Variants in ZNF484 observed in about 807,000 individuals in gnomAD.
The protein encoded by ZNF484 is zinc finger protein 484, also known as KRAB box containing C2H2 type zinc finger bA526D8.4.
A neutral mutation model predicts 12.9 loss-of-function variants in ZNF484; 11 were observed. That is an observed-to-expected ratio of 0.85 (90% CI 0.54 to 1.41). ZNF484 has a LOEUF of 1.41. Among genes scored for constraint, ZNF484 ranks in the 40% most tolerant of loss-of-function variants. The pLI is 0.00. For synonymous variants in ZNF484, 289 were observed against 334.1 expected, an observed-to-expected ratio of 0.86 and a Z score of 1.47; for missense variants, 807 against 1,007.7, an observed-to-expected ratio of 0.80 and a Z score of 2.70.
In ZNF484 at chr9:92,847,477, T is replaced by C. The variant is rs370875323; in HGVS notation, c.1310A>G (p.Glu437Gly). 9 of 1,612,568 alleles carry C rather than the reference T, an allele frequency of 5.6e-6. No individual in the cohort carries two copies. The highest frequency in any genetic ancestry group is 6.8e-6 in the Non-Finnish European group (8 of 1,179,580). ...ACAGTCACTGCATTCATAGGGTTTT[T>C]CTCCAGTATGAATTCTTTCATGTGT... ...FITHERIHTG[E>G]KPYECSDCGK... is the part of the protein sequence containing the mutation. Residue 437 changes from glutamate to glycine, a missense_variant, in exon 5 of 5, where the codon GAA (glutamate) becomes GGA (glycine). Glu to Gly is a moderately conservative substitution (Grantham distance 98). Transcript: ENST00000375495.
Position 92,848,357 on chromosome 9 carries a change from T to G in ZNF484, c.430A>C (p.Lys144Gln). Reference sequence around the variant, plus strand: ...ATGCTGTCATTAGCTAGTGTTTTCTTGTTAATGAAGACAACACGACTTAAA... The same window carrying G: ...ATGCTGTCATTAGCTAGTGTTTTCTGGTTAATGAAGACAACACGACTTAAA... ...KPLSRVVFIN[K>Q]KTLANDSIFE... is the part of the protein sequence containing the mutation. Residue 144 changes from lysine (K) to glutamine (Q), a missense_variant, in exon 5 of 5, where the codon AAG (lysine) becomes CAG (glutamine). Physicochemically the swap from Lys to Gln is moderately conservative, Grantham distance 53. Transcript: ENST00000375495. This position sits in a 1 kb window ranked among gnomAD's most constrained non-coding sequence, Gnocchi z 4.1. 1 of 1,614,142 alleles carries G rather than the reference T, an allele frequency of 6.2e-7. No individual in the cohort carries two copies. The highest frequency in any genetic ancestry group is 8.5e-7 in the Non-Finnish European group (1 of 1,180,012).
chr9:92,870,508 G>A (rs750322455), intron 2 of ZNF484, among the ~76,000 whole-genome samples: 2 of 152,156 alleles, frequency 1.3e-5, no homozygotes, highest in Non-Finnish European at 2.9e-5. Flanking sequence ...ACTGCAATAG[G>A]GTAGTATGAG....
intron 2 of ZNF484, among the ~76,000 whole-genome samples, chr9:92,861,213 A>T (rs187980679): frequency 2.0e-5 from 3 of 152,352 alleles, no homozygotes; most frequent in Admixed American, 2.0e-4. Flanking sequence ...AGAAAACAGA[A>T]TCTCATAACA....
rs1401302013 is a variant in ZNF484 at position 92,846,336 on chromosome 9, T to C, written c.2451A>G (p.Pro817=). 5 of 1,614,062 alleles carry C rather than the reference T, an allele frequency of 3.1e-6. No homozygotes were observed. Among genetic ancestry groups the C allele is most frequent in the African/African-American group, 2.7e-5 (2 of 74,940 alleles). Residue 817 remains proline, a synonymous_variant, in exon 5 of 5, where the codon CCA becomes CCG. Coordinates refer to ENST00000375495, the MANE Select transcript of ZNF484 (RefSeq NM_031486.4). ...CAGATTTCTGAGGCATACTGAGTTG[T>C]GGCTTCCAGTTTAAGGCTTTCCCCA... The part of the protein sequence containing the change: ...SDLGKALNWK[P]QLSMPQKSDN...
At chr9:92,858,050 A>C (rs1447282047) in intron 2 of ZNF484, among the ~76,000 whole-genome samples, 1 of 151,160 alleles carries the variant, frequency 6.6e-6, no homozygotes, top group Non-Finnish European at 1.5e-5. Flanking sequence ...TATTATACAC[A>C]GTGTTTAAAA....
intron 3 of ZNF484, 71 bp from the exon 4 acceptor site, chr9:92,855,974 A>G: frequency 1.3e-6 from 2 of 1,548,636 alleles, no homozygotes; most frequent in South Asian, 2.3e-5. Flanking sequence ...TTTTTCCCAA[A>G]AAAGTTCACT....
chr9:92,849,210 G>C (rs192651090), intron 4 of ZNF484, among the ~76,000 whole-genome samples: 4 of 151,446 alleles, frequency 2.6e-5, no homozygotes, highest in Admixed American at 1.3e-4. Flanking sequence ...GCGGTGAGCC[G>C]AGATCTTGCC....
In ZNF484 at chr9:92,847,345, G is replaced by A; in HGVS notation, c.1442C>T (p.Thr481Ile). 6.2e-7 allele frequency: 1 copy of A among 1,613,724 alleles called. No homozygotes were observed. The highest frequency in any genetic ancestry group is 1.1e-5 in the South Asian group (1 of 90,998). ...AATTTTCTGGTGTATAATGAGATTT[G>A]TCTTGTGAGTGAAGACCTTCCCACA... ...SECGKVFTHK[T>I]NLIIHQKIHT... Residue 481 changes from threonine to isoleucine, a missense_variant, in exon 5 of 5, where the codon ACA (threonine) becomes ATA (isoleucine). Physicochemically the swap from Thr to Ile is moderately conservative, Grantham distance 89. Transcript: ENST00000375495.
At chr9:92,869,464 A>AT in intron 2 of ZNF484, among the ~76,000 whole-genome samples, 1 of 152,312 alleles carries the variant, frequency 6.6e-6, no homozygotes, top group East Asian at 1.9e-4. Context: ...GCTCACGCCT[A>AT]TAATTCCAGC....
intron 2 of ZNF484, among the ~76,000 whole-genome samples, chr9:92,860,456 T>A (rs1856712565): frequency 1.3e-5 from 2 of 151,694 alleles, no homozygotes. Context: ...TACAAAAAAT[T>A]AGCCGGGCAT....
intron 2 of ZNF484, 108 bp from the exon 3 acceptor site, chr9:92,856,426 A>G (rs1184439603): frequency 3.1e-5 from 26 of 828,026 alleles, no homozygotes; most frequent in Non-Finnish European, 4.4e-5. Flanking sequence ...AATGGAAACA[A>G]GATAGGACCT....
chr9:92,871,332 T>G (rs554716800), intron 2 of ZNF484, among the ~76,000 whole-genome samples: 1 of 151,906 alleles, frequency 6.6e-6, no homozygotes, highest in African/African-American at 2.4e-5. Flanking sequence ...ACAGAAGAAA[T>G]ATTCTGAGTA....
intron 2 of ZNF484, among the ~76,000 whole-genome samples, chr9:92,862,920 A>G (rs1298156658): frequency 1.3e-5 from 2 of 152,180 alleles, no homozygotes; most frequent in Admixed American, 6.5e-5. Flanking sequence ...TACTGGTTAT[A>G]TACCCAAAGG....
At chr9:92,858,269 G>T (rs1167766778) in intron 2 of ZNF484, among the ~76,000 whole-genome samples, 1 of 152,040 alleles carries the variant, frequency 6.6e-6, no homozygotes, top group Admixed American at 6.5e-5. Context: ...CCTTATGCAG[G>T]TTTAACAGCA....
At chr9:92,854,444 G>A (rs368291535) in intron 4 of ZNF484, among the ~76,000 whole-genome samples, 5 of 152,190 alleles carry the variant, frequency 3.3e-5, no homozygotes, top group African/African-American at 1.2e-4. Flanking sequence ...CCGGCTGGGC[G>A]TGGTGGCTCC....
rs1219778963 is a variant in ZNF484 at position 92,856,322 on chromosome 9, T to TA, written c.16-5_16-4insT. 1.4e-6 allele frequency: 2 copies of TA among 1,411,776 alleles called. No individual in the cohort carries two copies. The highest frequency in any genetic ancestry group is 9.4e-7 in the Non-Finnish European group (1 of 1,067,686). The allele number at this position is 1,411,776 out of a possible 1,614,324, so 87.5% of individuals were successfully genotyped here. A position where few individuals can be genotyped will look rare whatever the true frequency, so the allele number is the denominator to read the frequency against. On this transcript the variant is annotated splice_region_variant and splice_polypyrimidine_tract_variant and intron_variant, in intron 2 of 4. Coordinates refer to ENST00000375495, the MANE Select transcript of ZNF484 (RefSeq NM_031486.4). Reference sequence around the variant, plus strand: ...CGTCCTTGAATGACACTGATTCCTGTTAAAAAAAAAAAACAAACTTTAAAA... The same window carrying TA: ...CGTCCTTGAATGACACTGATTCCTGTATAAAAAAAAAAAACAAACTTTAAAA...
intron 1 of ZNF484, among the ~76,000 whole-genome samples, chr9:92,877,465 T>G (rs1176792628): frequency 2.0e-5 from 3 of 152,172 alleles, no homozygotes; most frequent in African/African-American, 2.4e-5. Context: ...AAACATGCAA[T>G]TCTATGTAAT....
Position 92,847,419 on chromosome 9 carries a change from A to G in ZNF484, c.1368T>C (p.His456=). The G allele has an allele frequency of 1.2e-6, 2 of 1,613,782 alleles. No individual in the cohort carries two copies. Among genetic ancestry groups the G allele is most frequent in the Non-Finnish European group, 8.5e-7 (1 of 1,179,932 alleles). The change falls in exon 5 of 5, where the codon CAT becomes CAC. Residue 456 remains histidine (H), a synonymous_variant. Coordinates refer to ENST00000375495, the MANE Select transcript of ZNF484 (RefSeq NM_031486.4). ...CTCCTGTGTGAATTCGCTGATGCAC[A>G]TGGAGTTGTGATTTTTTAATAAAGG... ...GKSFIKKSQL[H]VHQRIHTGEN...
chr9:92,848,984 G>A lies in ZNF484; in HGVS notation c.236-433C>T, dbSNP rs535580074. Among the ~76,000 whole-genome samples, 80 of 151,024 alleles carry A rather than the reference G, an allele frequency of 5.3e-4. No homozygotes were observed. The highest frequency in any genetic ancestry group is 1.8e-3 in the African/African-American group (75 of 41,198). On this transcript the variant is annotated intron_variant, in intron 4 of 4. Transcript: ENST00000375495. This position sits in a 1 kb window ranked among gnomAD's most constrained non-coding sequence, Gnocchi z 4.1. The stretch of plus-strand genomic sequence containing the variant: ...ATACAATAGACCTTTGATTCAGGCC[G>A]GGTGTGGTGGCTCACGCCTGTAAGC...
Sources: allele counts gnomAD v4.1 joint callset (sites outside exome capture counted in the v4.1 genomes callset), GRCh38; gene constraint gnomAD v4.1.1; non-coding constraint Gnocchi (gnomAD v3.1); transcripts MANE v1.5; gene names NCBI Gene and HGNC (gene_info 2026-07-23, HGNC 2026-07-21).